Variants in MARK2 observed in about 807,000 individuals in gnomAD.
MARK2 encodes serine/threonine-protein kinase MARK2.
MARK2 carries 16 observed loss-of-function variants against 89.8 expected under a neutral mutation model. That is an observed-to-expected ratio of 0.18 (90% CI 0.12 to 0.27). The LOEUF (loss-of-function observed/expected upper bound fraction) is 0.27, where lower values mean the gene tolerates loss of function less well. Ranked by LOEUF, MARK2 falls within the 10% of genes least tolerant of loss-of-function variation. MARK2 has a pLI of 1.00. For missense variants in MARK2, 621 were observed against 1,049.9 expected (o/e 0.59, Z 5.65); for synonymous variants, 382 against 399.5 (o/e 0.96, Z 0.52).
intron 1 of MARK2, chr11:63,849,894 T>C (rs1424735660): frequency 6.7e-6 from 1 of 150,022 alleles, no homozygotes; most frequent in Non-Finnish European, 1.5e-5. Context: ...CTTATAGGTA[T>C]AGCTGTTATG....
At chr11:63,848,749 G>A (rs1374052283) in intron 1 of MARK2, among the ~76,000 whole-genome samples, 2 of 151,348 alleles carry the variant, frequency 1.3e-5, no homozygotes, top group African/African-American at 2.4e-5. Context: ...TTAAAGTAGA[G>A]ATGAGGTTTC....
Position 63,888,937 on chromosome 11 carries a change from G to C in MARK2, c.55-6222G>C, listed in dbSNP as rs369568092. On this transcript the variant is annotated intron_variant, in intron 1 of 18. Transcript: ENST00000402010. ...TGGGCTCTGCTGAATGGAAGTCGCT[G>C]GTAGTCCTTTTCCCTTTCTCCAGTC... 2.2e-6 allele frequency: 3 copies of C among 1,351,260 alleles called. No individual in the cohort carries two copies. The African/African-American group carries it at 4.4e-5, about 20-fold the overall frequency. 83.7% of individuals were successfully genotyped at this position (1,351,260 alleles called of 1,614,324 possible).
rs1338512452 is a variant in MARK2, at chr11:63,839,332, CGAGCGGCGCATCCCCGGGCTGGCGT to C, written c.-167_-143del. ...CGCTCGGAGCCGGCGCGGCCTAGCC[CGAGCGGCGCATCCCCGGGCTGGCGT>C]GAGCGGCTGCCCGGCCTCCCCGCAC... On this transcript the variant is annotated 5_prime_UTR_variant, in exon 1 of 19. Coordinates refer to ENST00000402010, the MANE Select transcript of MARK2 (RefSeq NM_001039469.3). 2.1e-6 allele frequency: 1 copy of C among 478,228 alleles called. No individual in the cohort carries two copies. Among genetic ancestry groups the C allele is most frequent in the African/African-American group, 2.1e-5 (1 of 48,004 alleles). The allele number at this position is 478,228 out of a possible 1,614,324, so 29.6% of individuals were successfully genotyped here.
chr11:63,881,396 C>T lies in MARK2; in HGVS notation c.55-13763C>T, dbSNP rs115550384. On this transcript the variant is annotated intron_variant, in intron 1 of 18. Coordinates refer to ENST00000402010, the MANE Select transcript of MARK2 (RefSeq NM_001039469.3). ...CCAACTTCAAGGGCAACGAATGCCT[C>T]GAAAGAGGGGAAATGGGGCTGGTAG... Among the ~76,000 whole-genome samples the T allele has an allele frequency of 4.2e-3, 639 of 152,246 alleles. 6 individuals are homozygous for T. Among genetic ancestry groups the T allele is most frequent in the African/African-American group, 0.015 (614 of 41,542 alleles).
intron 1 of MARK2, among the ~76,000 whole-genome samples, chr11:63,870,835 G>A (rs1938403997): frequency 6.6e-6 from 1 of 152,216 alleles, no homozygotes; most frequent in Non-Finnish European, 1.5e-5. Flanking sequence ...TAGAGGGAAA[G>A]TGTTCCAGGC....
chr11:63,909,191 C>T lies in MARK2; in HGVS notation c.2321C>T (p.Ala774Val). 1 of 1,602,116 alleles carries T rather than the reference C, an allele frequency of 6.2e-7. No homozygotes were observed. The highest frequency in any genetic ancestry group is 1.1e-5 in the South Asian group (1 of 90,826). ...RFKRISGTSM[A>V]FKNIASKIAN... ...AAGCGGATATCGGGCACCTCCATGG[C>T]CTTCAAAAACATTGCCTCCAAAATA... The change falls in exon 19 of 19, where the codon GCC becomes GTC. Residue 774 changes from alanine (A) to valine (V), a missense_variant. By Grantham distance (64) the Ala-to-Val change is moderately conservative (BLOSUM62 0). Around this residue, in one of 5 missense-constraint regions of MARK2, gnomAD observed 33 missense variants for 74.5 expected, o/e 0.44. Transcript: ENST00000402010.
intron 16 of MARK2, 72 bp downstream of exon 16, chr11:63,905,115 GT>G (rs1388083942): frequency 1.4e-6 from 1 of 706,962 alleles, no homozygotes; most frequent in Non-Finnish European, 2.3e-6. Flanking sequence ...TGGGTTGGGG[GT>G]TGGGGGTTGG....
intron 1 of MARK2, among the ~76,000 whole-genome samples, chr11:63,845,454 C>T (rs368233616): frequency 6.6e-6 from 1 of 152,136 alleles, no homozygotes; most frequent in African/African-American, 2.4e-5. Context: ...AGTATTTGTA[C>T]GTTTTGTGCT....
intron 1 of MARK2, 70 bp from the exon 2 acceptor site, chr11:63,895,089 A>G: frequency 1.5e-6 from 2 of 1,344,004 alleles, no homozygotes; most frequent in Non-Finnish European, 1.0e-6. Flanking sequence ...CATCCCTTAT[A>G]TATTTTGCAG....
At chr11:63,886,370 C>T (rs1939397854) in intron 1 of MARK2, among the ~76,000 whole-genome samples, 1 of 151,868 alleles carries the variant, frequency 6.6e-6, no homozygotes, top group Non-Finnish European at 1.5e-5. Flanking sequence ...GTCGTCTTCC[C>T]ACCTTGGCCT....
In MARK2 at chr11:63,904,171, G is replaced by A. The variant is rs1941134382; in HGVS notation, c.1676+24G>A. On this transcript the variant is annotated intron_variant, in intron 15 of 18. Coordinates refer to ENST00000402010, the MANE Select transcript of MARK2 (RefSeq NM_001039469.3). The surrounding 1 kb of genome is among the most constrained non-coding windows in gnomAD (Gnocchi z 6.3). Reference sequence around the variant, plus strand: ...AGGCAAGTGTGCTGGGGCAGCTGGTGCACCTGCTGCCCTCAGCCCACCCTA... The same window carrying A: ...AGGCAAGTGTGCTGGGGCAGCTGGTACACCTGCTGCCCTCAGCCCACCCTA... The A allele has an allele frequency of 6.5e-7, 1 of 1,537,402 alleles. No individual in the cohort carries two copies. The highest frequency in any genetic ancestry group is 8.7e-7 in the Non-Finnish European group (1 of 1,147,714).
In MARK2 at chr11:63,850,353, G is replaced by C. The variant is rs149119887; in HGVS notation, c.54+10793G>C. Among the ~76,000 whole-genome samples the C allele has an allele frequency of 5.9e-4, 71 of 119,474 alleles. 1 individual carries two copies. The highest frequency in any genetic ancestry group is 2.1e-3 in the African/African-American group (67 of 31,586). 78.4% of individuals were successfully genotyped at this position (119,474 alleles called of 152,430 possible). ...TTTTTTTTTTTTTGGATTTTTAGTA[G>C]AGATGGGGTTTCACCATGTTGACCA... On this transcript the variant is annotated intron_variant, in intron 1 of 18. Coordinates refer to ENST00000402010, the MANE Select transcript of MARK2 (RefSeq NM_001039469.3).
Position 63,900,939 on chromosome 11 carries a change from G to A in MARK2, c.989-18G>A. 1 of 1,610,022 alleles carries A rather than the reference G, an allele frequency of 6.2e-7. No homozygotes were observed. Among genetic ancestry groups the A allele is most frequent in the Non-Finnish European group, 8.5e-7 (1 of 1,176,156 alleles). On this transcript the variant is annotated intron_variant, in intron 10 of 18. Transcript: ENST00000402010. This position sits in a 1 kb window ranked among gnomAD's most constrained non-coding sequence, Gnocchi z 4.7. ...CTAGGAGTTGAGGCCAGTCTTAACT[G>A]TATGTCCCCCTGTGCAGAGCTGATG... is the stretch of plus-strand genomic sequence containing the variant.
At chr11:63,840,701 T>C (rs2135183479) in intron 1 of MARK2, among the ~76,000 whole-genome samples, 1 of 152,312 alleles carries the variant, frequency 6.6e-6, no homozygotes, top group Non-Finnish European at 1.5e-5. Context: ...CGCATTAGTC[T>C]CCTGCCTTCT....
At chr11:63,868,737 G>A (rs1402278844) in intron 1 of MARK2, 1 of 455,938 alleles carries the variant, frequency 2.2e-6, no homozygotes, top group Non-Finnish European at 4.4e-6. Context: ...AGTGGGCTCA[G>A]TCTTGCCTCT....
At chr11:63,845,729 C>T (rs944484783) in intron 1 of MARK2, among the ~76,000 whole-genome samples, 3 of 152,042 alleles carry the variant, frequency 2.0e-5, no homozygotes, top group East Asian at 3.9e-4. Flanking sequence ...GGTCATTGCT[C>T]GTCTTTTTTT....
At chr11:63,880,763 G>A (rs1939038340) in intron 1 of MARK2, among the ~76,000 whole-genome samples, 1 of 152,308 alleles carries the variant, frequency 6.6e-6, no homozygotes, top group South Asian at 2.1e-4. Context: ...CCTATATTCT[G>A]AGTCTGTCTC....
chr11:63,848,549 A>ATT (rs779169841), intron 1 of MARK2, among the ~76,000 whole-genome samples: 15 of 123,730 alleles, frequency 1.2e-4, no homozygotes, highest in Non-Finnish European at 1.5e-4. Flanking sequence ...CACCCGGCTA[A>ATT]TTTTTTTTTT....
intron 1 of MARK2, among the ~76,000 whole-genome samples, chr11:63,868,124 G>A (rs747941100): frequency 2.2e-4 from 33 of 152,150 alleles, no homozygotes; most frequent in Non-Finnish European, 3.2e-4. Flanking sequence ...GGGTGTGGTT[G>A]CTTAGGCCTG....
Sources: gnomAD v4.1 joint callset for allele counts (sites outside exome capture counted in the v4.1 genomes callset) on GRCh38, gnomAD v4.1.1 for gene constraint, gnomAD v4.1.1 regional missense constraint, Gnocchi (gnomAD v3.1) non-coding constraint, MANE v1.5 for transcripts, NCBI Gene and HGNC (gene_info 2026-07-23, HGNC 2026-07-21) for gene names.